Variants in FERRY3 observed in about 807,000 individuals in gnomAD.
FERRY3 encodes protein C12orf4.
the FERRY3 span, among the ~76,000 whole-genome samples, chr12:4,513,270 T>A: frequency 6.7e-6 from 1 of 148,448 alleles, no homozygotes; most frequent in Admixed American, 6.7e-5. Context: ...GAACATTCCA[T>A]GCTCATGGGT....
the FERRY3 span, chr12:4,518,848 C>T: frequency 4.4e-6 from 7 of 1,589,416 alleles, 1 homozygote; most frequent in South Asian, 8.1e-5. Flanking sequence ...TACAGATTCT[C>T]TGAACTGACT....
chr12:4,515,118 C>T, the FERRY3 span, among the ~76,000 whole-genome samples: 1 of 151,984 alleles, frequency 6.6e-6, no homozygotes, highest in Non-Finnish European at 1.5e-5. Context: ...TTTCATTTTT[C>T]AATTAAAAAA....
the FERRY3 span, chr12:4,534,288 G>C: frequency 6.2e-7 from 1 of 1,608,694 alleles, no homozygotes; most frequent in Non-Finnish European, 8.5e-7. Flanking sequence ...AACTGAGTCA[G>C]AGCTTCTTTT....
At chr12:4,534,635 T>C in the FERRY3 span, among the ~76,000 whole-genome samples, 1 of 152,158 alleles carries the variant, frequency 6.6e-6, no homozygotes, top group African/African-American at 2.4e-5. Context: ...ACTCGTCAGC[T>C]CAAGTGATTC....
At chr12:4,505,439 T>A in the FERRY3 span, 1 of 1,176,630 alleles carries the variant, frequency 8.5e-7, no homozygotes, top group East Asian at 2.3e-5. Flanking sequence ...TATGTTACTA[T>A]GACTGCTCCC....
At chr12:4,491,227 G>A in the FERRY3 span, 18 of 1,612,496 alleles carry the variant, frequency 1.1e-5, no homozygotes, top group African/African-American at 2.3e-4. Context: ...CCAGGGTATA[G>A]TCATTTCCTA....
chr12:4,496,347 AAT>A, the FERRY3 span, among the ~76,000 whole-genome samples: 1 of 152,232 alleles, frequency 6.6e-6, no homozygotes, highest in African/African-American at 2.4e-5. Flanking sequence ...TCTGGAAACA[AAT>A]CTTAGTATAT....
the FERRY3 span, chr12:4,525,275 T>G: frequency 1.2e-6 from 2 of 1,613,396 alleles, no homozygotes; most frequent in South Asian, 2.2e-5. Context: ...GTTGTTGGGG[T>G]TTTTTAGGTC....
At chr12:4,491,461 T>TA in the FERRY3 span, among the ~76,000 whole-genome samples, 16 of 152,114 alleles carry the variant, frequency 1.1e-4, no homozygotes, top group Non-Finnish European at 1.9e-4. Context: ...TAAATACAGT[T>TA]AAAAAATATA....
the FERRY3 span, among the ~76,000 whole-genome samples, chr12:4,537,513 C>T: frequency 6.6e-6 from 1 of 151,864 alleles, no homozygotes; most frequent in South Asian, 2.1e-4. Flanking sequence ...TTATGGTGCT[C>T]ACTGGAAAAA....
At chr12:4,520,021 T>C in the FERRY3 span, among the ~76,000 whole-genome samples, 3 of 152,348 alleles carry the variant, frequency 2.0e-5, no homozygotes, top group East Asian at 3.9e-4. Flanking sequence ...CCGTGACATA[T>C]ACCTCCAAGG....
chr12:4,510,071 C>A, the FERRY3 span, among the ~76,000 whole-genome samples: 3 of 139,352 alleles, frequency 2.2e-5, no homozygotes, highest in African/African-American at 3.0e-5. Flanking sequence ...GAGCTGAAAA[C>A]CAAGGCTCGA....
chr12:4,532,723 T>G, the FERRY3 span, among the ~76,000 whole-genome samples: 1 of 152,208 alleles, frequency 6.6e-6, no homozygotes, highest in Admixed American at 6.5e-5. Context: ...TTTCATTTTT[T>G]TTTAAATCAG....
At chr12:4,509,980 G>A in the FERRY3 span, among the ~76,000 whole-genome samples, 1 of 137,762 alleles carries the variant, frequency 7.3e-6, no homozygotes, top group Non-Finnish European at 1.5e-5. Flanking sequence ...CAAAGGCAAA[G>A]AAGTTGAAAA....
At chr12:4,497,504 C>T in the FERRY3 span, among the ~76,000 whole-genome samples, 1 of 152,068 alleles carries the variant, frequency 6.6e-6, no homozygotes, top group East Asian at 1.9e-4. Flanking sequence ...TGTTATACTC[C>T]AATAAAGAAG....
the FERRY3 span, among the ~76,000 whole-genome samples, chr12:4,524,610 T>C: frequency 9.8e-5 from 15 of 152,336 alleles, no homozygotes; most frequent in African/African-American, 3.6e-4. Context: ...ATAGGATTAT[T>C]ATACCGTACT....
the FERRY3 span, among the ~76,000 whole-genome samples, chr12:4,522,059 A>G: frequency 6.6e-6 from 1 of 152,214 alleles, no homozygotes; most frequent in Non-Finnish European, 1.5e-5. Flanking sequence ...TAAACTATGG[A>G]CTTTGAATGA....
chr12:4,491,242 C>G, the FERRY3 span: 2 of 1,610,152 alleles, frequency 1.2e-6, no homozygotes, highest in Admixed American at 3.3e-5. Context: ...TTCCTAAAAA[C>G]AGAAACAAAA....
the FERRY3 span, among the ~76,000 whole-genome samples, chr12:4,535,083 G>A: frequency 1.3e-5 from 2 of 152,316 alleles, no homozygotes; most frequent in African/African-American, 4.8e-5. The surrounding 1 kb of genome is among the most constrained non-coding windows in gnomAD (Gnocchi z 4.0). Flanking sequence ...TTAGATGACT[G>A]ACCGATTTCA....
Sources: allele counts gnomAD v4.1 joint callset (sites outside exome capture counted in the v4.1 genomes callset), GRCh38; gene constraint gnomAD v4.1.1; non-coding constraint Gnocchi (gnomAD v3.1); transcripts MANE v1.5; gene names NCBI Gene and HGNC (gene_info 2026-07-23, HGNC 2026-07-21).